ASTE1: variants seen among roughly 807,000 people sequenced by gnomAD.
ASTE1 encodes the protein asteroid structure-specific endonuclease 1, also known as single-strand DNA endonuclease ASTE1.
ASTE1 carries 49 observed loss-of-function variants against 45.8 expected under a neutral mutation model. That is an observed-to-expected ratio of 1.07 (90% CI 0.85 to 1.36). The LOEUF (loss-of-function observed/expected upper bound fraction) is 1.36, where lower values mean the gene tolerates loss of function less well. Among genes scored for constraint, ASTE1 ranks in the 40% most tolerant of loss-of-function variants. The pLI, the probability that ASTE1 is intolerant of heterozygous loss-of-function variation, is 0.00. For synonymous variants in ASTE1, 296 were observed against 303.9 expected, an observed-to-expected ratio of 0.97 and a Z score of 0.27; for missense variants, 709 against 804.0, an observed-to-expected ratio of 0.88 and a Z score of 1.43.
At chr3:131,019,123 A>T (rs2063708655) in intron 3 of ASTE1, among the ~76,000 whole-genome samples, 1 of 152,244 alleles carries the variant, frequency 6.6e-6, no homozygotes, top group African/African-American at 2.4e-5. Context: ...CTACTTTGAG[A>T]AACAAAGCTG....
chr3:131,014,511 A>G (rs1236871130), intron 5 of ASTE1, 124 bp from the exon 6 acceptor site: 2 of 911,428 alleles, frequency 2.2e-6, no homozygotes, highest in Non-Finnish European at 3.2e-6. Flanking sequence ...CTATAATATT[A>G]TCGAAATTAC....
At chr3:131,018,323 G>A (rs985749606) in intron 4 of ASTE1, among the ~76,000 whole-genome samples, 183 bp downstream of exon 4, 1 of 152,210 alleles carries the variant, frequency 6.6e-6, no homozygotes, top group African/African-American at 2.4e-5. Flanking sequence ...ACTGAGCCTG[G>A]CACATGAAGT....
chr3:131,017,798 C>T (rs1023614898), intron 4 of ASTE1, among the ~76,000 whole-genome samples: 2 of 151,470 alleles, frequency 1.3e-5, no homozygotes, highest in East Asian at 1.9e-4. Context: ...GGTGAAAACC[C>T]GTCTCTACTA....
intron 1 of ASTE1, 135 bp downstream of exon 1, chr3:131,026,372 A>T (rs930432460): frequency 6.6e-6 from 1 of 152,366 alleles, no homozygotes; most frequent in African/African-American, 2.4e-5. Context: ...GACCTTGCAC[A>T]GACAGTTGCA....
rs73871744 is a variant in ASTE1, at chr3:131,014,407, A to C, written c.1710-20T>G. The C allele has an allele frequency of 7.1e-3, 10,924 of 1,542,008 alleles. 495 individuals carry two copies. In the African/African-American group the frequency reaches 0.11, roughly 16 times the overall value. On this transcript the variant is annotated intron_variant, in intron 5 of 5. Transcript: ENST00000264992. ...TACAGTCTGTTCAAAGCAAGAAAAA[A>C]GTATGTTGTTAAAGAAGTAATTCAG...
chr3:131,017,908 T>C (rs770173750), intron 4 of ASTE1, among the ~76,000 whole-genome samples: 14 of 134,004 alleles, frequency 1.0e-4, no homozygotes, highest in Non-Finnish European at 1.5e-4. Flanking sequence ...TGGCAGAGGC[T>C]GCAGTGAGCC....
In ASTE1 at chr3:131,016,281, C is replaced by T. The variant is rs760570779; in HGVS notation, c.1572G>A (p.Val524=). ...TTGTGCCCAGCCGTGTCTGCGCCTT[C>T]ACTCTTTGGAACTCTGCATACAACA... ...AKMLYAEFQR[V]KAQTRLGTRL... is the part of the protein sequence containing the mutation. Residue 524 remains valine (V), a synonymous_variant, in exon 5 of 6, where the codon GTG becomes GTA. Transcript: ENST00000264992. 6.2e-7 allele frequency: 1 copy of T among 1,614,166 alleles called. No homozygotes were observed. The highest frequency in any genetic ancestry group is 1.7e-5 in the Admixed American group (1 of 60,016).
chr3:131,024,228 A>ATGTGGT lies in ASTE1; in HGVS notation c.1078_1079insACCACA (p.Asn359_Met360insAsnHis). 6.2e-7 allele frequency: 1 copy of ATGTGGT among 1,614,204 alleles called. No homozygotes were observed. Among genetic ancestry groups the ATGTGGT allele is most frequent in the South Asian group, 1.1e-5 (1 of 91,088 alleles). ...TATTCTGTGGGCATTTGGTTGCTGC[A>ATGTGGT]TGTTTTCCACCTGTGTGGGAAGAAT... On this transcript the variant is annotated inframe_insertion, in exon 3 of 6. Coordinates refer to ENST00000264992, the MANE Select transcript of ASTE1 (RefSeq NM_014065.4).
chr3:131,015,161 T>A (rs1219042614), intron 5 of ASTE1: 1 of 699,606 alleles, frequency 1.4e-6, no homozygotes, highest in African/African-American at 1.7e-5. Context: ...CAACACTGTT[T>A]ACTGCCAGGA....
At chr3:131,016,078 T>A in intron 5 of ASTE1, 66 bp downstream of exon 5, 1 of 1,541,632 alleles carries the variant, frequency 6.5e-7, no homozygotes, top group Non-Finnish European at 8.8e-7. Context: ...GCTTTAAATA[T>A]AAGTGAAAAT....
Position 131,024,987 on chromosome 3 carries a change from G to A in ASTE1, c.320C>T (p.Ser107Phe), listed in dbSNP as rs2063795658. Reference protein sequence around the residue: ...REKIQMAHSLSVGGSGYVCPL... With the variant: ...REKIQMAHSLFVGGSGYVCPL... ...ACATACGTACCCACTCCCACCAACAGAAAGGGAATGGGCCATCTGGATCTT... is the reference window on the plus strand; with the variant it reads ...ACATACGTACCCACTCCCACCAACAAAAAGGGAATGGGCCATCTGGATCTT... Residue 107 changes from serine to phenylalanine, a missense_variant, in exon 3 of 6, where the codon TCT (serine) becomes TTT (phenylalanine). Coordinates refer to ENST00000264992, the MANE Select transcript of ASTE1 (RefSeq NM_014065.4). 6.2e-7 allele frequency: 1 copy of A among 1,601,200 alleles called. No homozygotes were observed. Among genetic ancestry groups the A allele is most frequent in the African/African-American group, 1.3e-5 (1 of 74,488 alleles).
At chr3:131,021,252 A>G (rs909926053) in intron 3 of ASTE1, among the ~76,000 whole-genome samples, 2 of 152,232 alleles carry the variant, frequency 1.3e-5, no homozygotes, top group Non-Finnish European at 2.9e-5. Context: ...AACTTCATAT[A>G]ATAGAGTATC....
intron 5 of ASTE1, chr3:131,015,334 T>C (rs1425774040): frequency 1.6e-6 from 1 of 644,252 alleles, no homozygotes; most frequent in South Asian, 1.8e-5. Context: ...CAAAACACAA[T>C]CTATCTCCTT....
chr3:131,014,489 G>A lies in ASTE1; in HGVS notation c.1710-102C>T, dbSNP rs1011145879. ...CAACAAATGCATCTAAACAATGAGAGCTCTTATTGCTCTATAATATTATCG... is the reference window on the plus strand; with the variant it reads ...CAACAAATGCATCTAAACAATGAGAACTCTTATTGCTCTATAATATTATCG... On this transcript the variant is annotated intron_variant, in intron 5 of 5. Coordinates refer to ENST00000264992, the MANE Select transcript of ASTE1 (RefSeq NM_014065.4). 21 of 1,062,900 alleles carry A rather than the reference G, an allele frequency of 2.0e-5. No homozygotes were observed. In the Middle Eastern group the frequency reaches 8.5e-4, roughly 43 times the overall value. 65.8% of individuals were successfully genotyped at this position (1,062,900 alleles called of 1,614,324 possible).
chr3:131,021,752 G>T (rs1426689528), intron 3 of ASTE1, among the ~76,000 whole-genome samples: 6 of 152,084 alleles, frequency 3.9e-5, no homozygotes, highest in African/African-American at 1.4e-4. Flanking sequence ...TTAATTGTAG[G>T]ATGACTTCAC....
Position 131,024,470 on chromosome 3 carries a change from G to T in ASTE1, c.837C>A (p.Tyr279Ter), listed in dbSNP as rs2063781983. Residue 279 changes from tyrosine (Y) to a stop codon, truncating the protein, a stop_gained, in exon 3 of 6, where the codon TAC (tyrosine) becomes TAA (stop). Transcript: ENST00000264992. LOFTEE classifies it high-confidence loss of function. The stretch of plus-strand genomic sequence containing the variant: ...CATTTTCTCGATCCTTTTTTGGGAG[G>T]TATTTCAGAACATTATCTAGTGCTT... ...PTEALDNVLK[Y>*]LPKKDRENVK... The T allele has an allele frequency of 1.2e-6, 2 of 1,614,116 alleles. No individual in the cohort carries two copies. The highest frequency in any genetic ancestry group is 1.7e-6 in the Non-Finnish European group (2 of 1,180,022).
intron 5 of ASTE1, chr3:131,015,860 T>A (rs2063599226): frequency 2.0e-6 from 1 of 494,546 alleles, no homozygotes. Flanking sequence ...CTACCAATGA[T>A]TGCCTCCCCT....
chr3:131,022,779 C>T (rs1265235448), intron 3 of ASTE1, among the ~76,000 whole-genome samples: 1 of 152,160 alleles, frequency 6.6e-6, no homozygotes, highest in Non-Finnish European at 1.5e-5. Flanking sequence ...CACTCATTCA[C>T]TATGACATTC....
chr3:131,016,670 G>T, intron 4 of ASTE1: 1 of 347,358 alleles, frequency 2.9e-6, no homozygotes, highest in Non-Finnish European at 5.5e-6. Context: ...AAATACAAAT[G>T]ACTATTAAAT....
Sources: allele counts gnomAD v4.1 joint callset (sites outside exome capture counted in the v4.1 genomes callset), GRCh38; gene constraint gnomAD v4.1.1; transcripts MANE v1.5; gene names NCBI Gene and HGNC (gene_info 2026-07-23, HGNC 2026-07-21).